COL6A6: variants seen among roughly 807,000 people sequenced by gnomAD.
The protein encoded by COL6A6 is collagen alpha-6(VI) chain.
A neutral mutation model predicts 208.6 loss-of-function variants in COL6A6; 183 were observed. The ratio of observed to expected loss-of-function variants is 0.88; its 90% CI spans 0.78 to 0.99. COL6A6 has a LOEUF of 0.99. Among genes scored for constraint, COL6A6 ranks in the 50% least tolerant of loss-of-function variants. The pLI, the probability that COL6A6 is intolerant of heterozygous loss-of-function variation, is 0.00. For synonymous variants in COL6A6, 973 were observed against 1,011.8 expected (o/e 0.96, Z 0.73); for missense variants, 2,816 against 2,815.2 (o/e 1.00, Z -0.01).
rs1174820657 is a variant in COL6A6, at chr3:130,675,862, T to TA, written c.*466dup. On this transcript the variant is annotated 3_prime_UTR_variant, in exon 37 of 37. Coordinates refer to ENST00000358511, the MANE Select transcript of COL6A6 (RefSeq NM_001102608.3). ...ATTTATCCTAGAAATGGATGCTGTTTATATGTCGTATTTTTTTAAAACGTG... is the reference window on the plus strand; with the variant it reads ...ATTTATCCTAGAAATGGATGCTGTTTAATATGTCGTATTTTTTTAAAACGTG... 1 of 152,532 alleles carries TA rather than the reference T, an allele frequency of 6.6e-6. No individual in the cohort carries two copies. The highest frequency in any genetic ancestry group is 1.5e-5 in the Non-Finnish European group (1 of 68,294). 9.4% of individuals were successfully genotyped at this position (152,532 alleles called of 1,614,324 possible). A position where few individuals can be genotyped will look rare whatever the true frequency, so the allele number is the denominator to read the frequency against.
At chr3:130,653,655 T>C (rs2065707531) in intron 33 of COL6A6, among the ~76,000 whole-genome samples, 1 of 152,220 alleles carries the variant, frequency 6.6e-6, no homozygotes, top group African/African-American at 2.4e-5. Flanking sequence ...ACATAAATAA[T>C]AGGACCATTT....
At chr3:130,621,984 C>T (rs2064733637) in intron 24 of COL6A6, 101 bp downstream of exon 24, 6 of 994,804 alleles carry the variant, frequency 6.0e-6, no homozygotes, top group Non-Finnish European at 9.4e-6. Flanking sequence ...AACAAGAACA[C>T]ATTTTCTGGT....
At chr3:130,608,573 T>A (rs1008264348) in intron 21 of COL6A6, among the ~76,000 whole-genome samples, 2 of 152,024 alleles carry the variant, frequency 1.3e-5, no homozygotes, top group African/African-American at 2.4e-5. Flanking sequence ...GAACTAAATT[T>A]TGAGTGTTTT....
intron 12 of COL6A6, among the ~76,000 whole-genome samples, chr3:130,590,266 TATATATATATATATATATATATATATATA>T (rs2063645113): frequency 1.9e-4 from 3 of 15,644 alleles, no homozygotes; most frequent in East Asian, 1.4e-3. Context: ...TATATATATA[TATATATATATATATATATATATATATATA>T]TATATTTTTT....
intron 36 of COL6A6, among the ~76,000 whole-genome samples, chr3:130,674,600 G>A (rs1389001636): frequency 6.6e-6 from 1 of 152,160 alleles, no homozygotes; most frequent in African/African-American, 2.4e-5. Flanking sequence ...TGGAAGAAAG[G>A]AAGAGATGAA....
intron 33 of COL6A6, among the ~76,000 whole-genome samples, chr3:130,651,628 G>T (rs2065648034): frequency 6.6e-6 from 1 of 152,110 alleles, no homozygotes; most frequent in African/African-American, 2.4e-5. Flanking sequence ...ATAGGGAAAT[G>T]CAATAAAGTA....
intron 1 of COL6A6, among the ~76,000 whole-genome samples, chr3:130,539,881 C>G (rs1377932013): frequency 6.6e-6 from 1 of 152,132 alleles, no homozygotes; most frequent in Non-Finnish European, 1.5e-5. Context: ...CTCTTTCCTT[C>G]AACAGTATTT....
chr3:130,578,917 C>A (rs1365259768), intron 8 of COL6A6, among the ~76,000 whole-genome samples: 4 of 152,214 alleles, frequency 2.6e-5, no homozygotes, highest in African/African-American at 9.6e-5. Context: ...ATGATGGCAG[C>A]TAGGGCTCTT....
intron 23 of COL6A6, among the ~76,000 whole-genome samples, chr3:130,617,766 T>G (rs1306976764): frequency 6.6e-6 from 1 of 152,120 alleles, no homozygotes; most frequent in Non-Finnish European, 1.5e-5. Context: ...CCCACACAAA[T>G]AAAAACAAGT....
chr3:130,584,061 C>T (rs1471278046), intron 10 of COL6A6, among the ~76,000 whole-genome samples: 2 of 152,108 alleles, frequency 1.3e-5, no homozygotes, highest in Non-Finnish European at 2.9e-5. Context: ...ATTGAATACC[C>T]TAGAATCTAC....
intron 36 of COL6A6, among the ~76,000 whole-genome samples, chr3:130,674,338 C>T (rs1414192501): frequency 6.6e-6 from 1 of 152,200 alleles, no homozygotes; most frequent in Non-Finnish European, 1.5e-5. Context: ...ACACTTCTGT[C>T]AGCAGAGGTT....
intron 31 of COL6A6, among the ~76,000 whole-genome samples, chr3:130,643,816 A>G (rs1035145585): frequency 1.3e-5 from 2 of 152,218 alleles, no homozygotes; most frequent in African/African-American, 2.4e-5. Context: ...ATTAGAGCCT[A>G]TTTCAGTAGA....
At position 130,585,617 on chromosome 3, in the gene COL6A6, G is replaced by A. The variant is rs111688347; in HGVS notation, c.3971-889G>A. Reference sequence around the variant, plus strand: ...ACCCTATGTTGGTCCTTAACCAACAGTTTTCTTTGAAATAATTGTATTCAT... The same window carrying A: ...ACCCTATGTTGGTCCTTAACCAACAATTTTCTTTGAAATAATTGTATTCAT... On this transcript the variant is annotated intron_variant, in intron 10 of 36. Coordinates refer to ENST00000358511, the MANE Select transcript of COL6A6 (RefSeq NM_001102608.3). Among the ~76,000 whole-genome samples, 314 of 152,276 alleles carry A rather than the reference G, an allele frequency of 2.1e-3. 1 individual carries two copies. Among genetic ancestry groups the A allele is most frequent in the African/African-American group, 6.8e-3 (284 of 41,546 alleles).
chr3:130,600,983 G>T (rs2063999022), intron 20 of COL6A6, among the ~76,000 whole-genome samples: 1 of 151,972 alleles, frequency 6.6e-6, no homozygotes, highest in Non-Finnish European at 1.5e-5. Flanking sequence ...GTGCAGTTTT[G>T]GTTTGTTTTT....
chr3:130,654,639 T>A (rs1364131080), intron 33 of COL6A6, among the ~76,000 whole-genome samples: 1 of 152,254 alleles, frequency 6.6e-6, no homozygotes, highest in African/African-American at 2.4e-5. Context: ...TAAGTCCAGA[T>A]AAGCAGCCTC....
intron 23 of COL6A6, among the ~76,000 whole-genome samples, chr3:130,613,356 C>T (rs2064417313): frequency 6.6e-6 from 1 of 152,150 alleles, no homozygotes; most frequent in Admixed American, 6.5e-5. Context: ...GCTCTCTATT[C>T]TGTTCCATTG....
intron 23 of COL6A6, 110 bp from the exon 24 acceptor site, chr3:130,621,711 G>A (rs1393165405): frequency 5.9e-6 from 5 of 840,768 alleles, no homozygotes; most frequent in South Asian, 1.7e-5. Flanking sequence ...GATCGATACA[G>A]CCATAACTCT....
chr3:130,626,465 A>C lies in COL6A6; in HGVS notation c.4879-20A>C. ...ATCATTTCCAATTTCCAACCTAAAA[A>C]CAATCTTTCTGTTTAACAGGGAGAA... On this transcript the variant is annotated intron_variant, in intron 24 of 36. Transcript: ENST00000358511. 1 of 1,596,332 alleles carries C rather than the reference A, an allele frequency of 6.3e-7. No homozygotes were observed. Among genetic ancestry groups the C allele is most frequent in the Non-Finnish European group, 8.6e-7 (1 of 1,163,696 alleles).
intron 23 of COL6A6, among the ~76,000 whole-genome samples, chr3:130,611,585 G>A (rs1207524108): frequency 6.6e-6 from 1 of 152,174 alleles, no homozygotes; most frequent in Admixed American, 6.5e-5. Flanking sequence ...TTTGAATAAT[G>A]AATCAAACAG....
Sources: allele counts gnomAD v4.1 joint callset (sites outside exome capture counted in the v4.1 genomes callset), GRCh38; gene constraint gnomAD v4.1.1; transcripts MANE v1.5; gene names NCBI Gene and HGNC (gene_info 2026-07-23, HGNC 2026-07-21).